The following NAA15 variants were observed in gnomAD, a reference collection of about 807,000 sequenced individuals.
The protein encoded by NAA15 is N-terminal acetyltransferase.
Under a neutral mutation model 114.0 loss-of-function variants are expected in NAA15, and 34 were observed. The observed-to-expected ratio is 0.30, with a 90% CI of 0.23 to 0.40. The LOEUF (loss-of-function observed/expected upper bound fraction) is 0.40, where lower values mean the gene tolerates loss of function less well. Among genes scored for constraint, NAA15 ranks in the 10% least tolerant of loss-of-function variants. The pLI is 1.00. For missense variants in NAA15, 658 were observed against 1,004.5 expected, an observed-to-expected ratio of 0.66 and a Z score of 4.66; for synonymous variants, 340 against 338.0, an observed-to-expected ratio of 1.01 and a Z score of -0.06.
At chr4:139,304,673 C>T (rs181714533) in intron 1 of NAA15, among the ~76,000 whole-genome samples, 6 of 152,080 alleles carry the variant, frequency 3.9e-5, no homozygotes, top group African/African-American at 1.4e-4. Flanking sequence ...ATAGTTTTTA[C>T]CTATGGATGC....
chr4:139,302,077 A>C (rs1560946005), intron 1 of NAA15: 3 of 398,270 alleles, frequency 7.5e-6, no homozygotes, highest in Non-Finnish European at 1.3e-5. Flanking sequence ...CTAGGCCCCG[A>C]CCTCCCGGCT....
chr4:139,340,838 T>TC (rs986935163), intron 3 of NAA15, 74 bp from the exon 4 acceptor site: 5 of 1,225,442 alleles, frequency 4.1e-6, no homozygotes, highest in Middle Eastern at 2.0e-4. Flanking sequence ...GCTGTGGTTC[T>TC]CCAAGTTTTT....
chr4:139,305,775 C>T (rs944647032), intron 1 of NAA15, among the ~76,000 whole-genome samples: 1 of 152,100 alleles, frequency 6.6e-6, no homozygotes, highest in African/African-American at 2.4e-5. Flanking sequence ...CTCAAGTGAT[C>T]CACCCGCCTT....
intron 1 of NAA15, among the ~76,000 whole-genome samples, chr4:139,317,785 C>T (rs545660116): frequency 6.6e-6 from 1 of 151,904 alleles, no homozygotes; most frequent in African/African-American, 2.4e-5. Context: ...TCTGTTTTAC[C>T]CCATTGTTCT....
At chr4:139,309,266 T>C (rs1746132463) in intron 1 of NAA15, among the ~76,000 whole-genome samples, 1 of 151,156 alleles carries the variant, frequency 6.6e-6, no homozygotes, top group Admixed American at 6.6e-5. Flanking sequence ...GAGAATTATT[T>C]GAACCCAGGA....
intron 1 of NAA15, among the ~76,000 whole-genome samples, chr4:139,312,979 T>G (rs1746269460): frequency 6.6e-6 from 1 of 152,014 alleles, no homozygotes; most frequent in Non-Finnish European, 1.5e-5. Flanking sequence ...TCAGTTGAAA[T>G]AATGTGAAAT....
chr4:139,339,483 C>T (rs932816374), intron 3 of NAA15, among the ~76,000 whole-genome samples: 13 of 152,058 alleles, frequency 8.5e-5, no homozygotes, highest in Admixed American at 2.6e-4. Flanking sequence ...GGTGATAGAG[C>T]GAGACCATCT....
chr4:139,363,592 G>A (rs1748194907), intron 14 of NAA15, among the ~76,000 whole-genome samples: 1 of 152,118 alleles, frequency 6.6e-6, no homozygotes, highest in South Asian at 2.1e-4. Flanking sequence ...ACATTTTAGT[G>A]ACTGTAGGAA....
Position 139,361,808 on chromosome 4 carries a change from T to C in NAA15, c.1624T>C (p.Leu542=), listed in dbSNP as rs201541035. Residue 542 remains leucine, a synonymous_variant, in exon 14 of 20, where the codon TTA becomes CTA. Transcript: ENST00000296543. ...TACCCTTAGATCATATGTGGACTTA[T>C]TAAAACTAGAAGATGTACTTCGACA... The part of the protein sequence containing the change: ...KITLRSYVDL[L]KLEDVLRQHP... 46 of 1,613,230 alleles carry C rather than the reference T, an allele frequency of 2.9e-5. No individual in the cohort carries two copies. Among genetic ancestry groups the C allele is most frequent in the African/African-American group, 1.7e-4 (13 of 74,916 alleles).
At chr4:139,324,047 C>G (rs1746708016) in intron 1 of NAA15, among the ~76,000 whole-genome samples, 1 of 152,110 alleles carries the variant, frequency 6.6e-6, no homozygotes, top group Non-Finnish European at 1.5e-5. Flanking sequence ...CCAGGCCCAG[C>G]TAATTTTTGT....
At chr4:139,378,941 C>T in intron 17 of NAA15, 87 bp downstream of exon 17, 1 of 820,120 alleles carries the variant, frequency 1.2e-6, no homozygotes, top group Non-Finnish European at 1.9e-6. Context: ...TATCATAAAC[C>T]AAATGATTTT....
chr4:139,311,912 G>A (rs1579082601), intron 1 of NAA15, among the ~76,000 whole-genome samples: 3 of 151,734 alleles, frequency 2.0e-5, no homozygotes, highest in Non-Finnish European at 2.9e-5. Context: ...TGATTATTGC[G>A]CCTGTGAATT....
At chr4:139,372,717 C>T (rs956400902) in intron 15 of NAA15, among the ~76,000 whole-genome samples, 4 of 140,532 alleles carry the variant, frequency 2.8e-5, no homozygotes, top group Non-Finnish European at 6.1e-5. Context: ...TATAGTATCT[C>T]CCCCGCCCTT....
chr4:139,364,028 G>A (rs753423573), intron 14 of NAA15, among the ~76,000 whole-genome samples: 4 of 152,232 alleles, frequency 2.6e-5, no homozygotes, highest in African/African-American at 4.8e-5. Context: ...CTACAGGTGC[G>A]TGCCACTGCA....
chr4:139,304,034 T>C (rs1264835047), intron 1 of NAA15, among the ~76,000 whole-genome samples: 1 of 152,094 alleles, frequency 6.6e-6, no homozygotes, highest in Non-Finnish European at 1.5e-5. Flanking sequence ...TCTCCTGCCT[T>C]AGCCTCCCAA....
At chr4:139,372,781 A>G (rs910615128) in intron 15 of NAA15, among the ~76,000 whole-genome samples, 1 of 144,436 alleles carries the variant, frequency 6.9e-6, no homozygotes, top group African/African-American at 2.6e-5. Flanking sequence ...TATGTGGTAA[A>G]TGGCAAATTT....
rs1747929129 is a variant in NAA15 at position 139,355,727 on chromosome 4, A to T, written c.1087+1629A>T. Among the ~76,000 whole-genome samples, 3 of 152,162 alleles carry T rather than the reference A, an allele frequency of 2.0e-5. 1 individual carries two copies. In the South Asian group the frequency reaches 6.2e-4, roughly 31 times the overall value. On this transcript the variant is annotated intron_variant, in intron 10 of 19. Transcript: ENST00000296543. ...TTCTAATGGACAGGTCCAACTAGAG[A>T]TTTGATGAGATTCAATATTGTTTTG...
chr4:139,384,793 A>G (rs757611973), intron 17 of NAA15, 39 bp from the exon 18 acceptor site: 4 of 1,272,220 alleles, frequency 3.1e-6, no homozygotes, highest in Middle Eastern at 2.5e-4. Context: ...ACTTTATCAG[A>G]GTATTCAACT....
At chr4:139,351,959 CTT>C (rs1158672862) in intron 9 of NAA15, among the ~76,000 whole-genome samples, 1 of 151,072 alleles carries the variant, frequency 6.6e-6, no homozygotes, top group Non-Finnish European at 1.5e-5. Flanking sequence ...TTTTTTTTAA[CTT>C]AAGTTTTAGC....
Sources: allele counts gnomAD v4.1 joint callset (sites outside exome capture counted in the v4.1 genomes callset), GRCh38; gene constraint gnomAD v4.1.1; transcripts MANE v1.5; gene names NCBI Gene and HGNC (gene_info 2026-07-23, HGNC 2026-07-21).